The following KAZN variants were observed in gnomAD, a reference collection of about 807,000 sequenced individuals.
KAZN encodes kazrin.
Under a neutral mutation model 87.4 loss-of-function variants are expected in KAZN, and 40 were observed. The observed-to-expected ratio is 0.46, with a 90% CI of 0.36 to 0.60. The LOEUF is 0.60. Among genes scored for constraint, KAZN ranks in the 20% least tolerant of loss-of-function variants. The pLI is 0.00. For synonymous variants in KAZN, 466 were observed against 458.3 expected (o/e 1.02, Z -0.22); for missense variants, 898 against 1,073.9 (o/e 0.84, Z 2.29).
At chr1:14,690,170 C>T (rs1255568310) in intron 1 of KAZN, among the ~76,000 whole-genome samples, 2 of 152,156 alleles carry the variant, frequency 1.3e-5, no homozygotes, top group Non-Finnish European at 2.9e-5. Context: ...CACACTCCGC[C>T]GCGGCAGTGC....
intron 2 of KAZN, among the ~76,000 whole-genome samples, chr1:14,281,765 C>T (rs1172017342): frequency 6.6e-6 from 1 of 152,226 alleles, no homozygotes; most frequent in African/African-American, 2.4e-5. Flanking sequence ...AAATGAACAA[C>T]AGAGACCCTG....
rs567680230 is a variant in KAZN at position 13,894,304 on chromosome 1, A to G, written c.91+548A>G. Among the ~76,000 whole-genome samples the G allele has an allele frequency of 1.4e-4, 22 of 152,294 alleles. No homozygotes were observed. The South Asian group carries it at 4.6e-3, about 32-fold the overall frequency. ...GTCTGTGCTCATGAATTTGTCTTCC[A>G]AATGGCTCACGTTTTATACAGAAGG... On this transcript the variant is annotated intron_variant, in intron 1 of 16. Transcript: ENST00000636203.
At chr1:14,545,537 C>T (rs555216180) in intron 2 of KAZN, among the ~76,000 whole-genome samples, 1 of 152,222 alleles carries the variant, frequency 6.6e-6, no homozygotes, top group Non-Finnish European at 1.5e-5. Context: ...TCATAAGGTC[C>T]TCCAAATGAG....
intron 1 of KAZN, among the ~76,000 whole-genome samples, chr1:14,752,787 G>T (rs772423416): frequency 2.6e-5 from 4 of 152,098 alleles, no homozygotes; most frequent in Non-Finnish European, 5.9e-5. Context: ...CAAAACCAGC[G>T]CTTAGTTTTA....
intron 2 of KAZN, among the ~76,000 whole-genome samples, chr1:14,398,411 A>T (rs1663080330): frequency 6.6e-6 from 1 of 152,262 alleles, no homozygotes; most frequent in Non-Finnish European, 1.5e-5. Context: ...AGTATCACAT[A>T]GGGAAATTGT....
At chr1:14,983,864 C>T (rs1056628735) in intron 2 of KAZN, among the ~76,000 whole-genome samples, 1 of 152,120 alleles carries the variant, frequency 6.6e-6, no homozygotes, top group Non-Finnish European at 1.5e-5. Context: ...ATCTCTTGAA[C>T]CCGGGAGGTG....
intron 1 of KAZN, among the ~76,000 whole-genome samples, chr1:14,774,468 A>AC (rs1557476099): frequency 1.3e-4 from 17 of 131,286 alleles, no homozygotes; most frequent in Admixed American, 1.6e-4. Flanking sequence ...TCTTGAACAG[A>AC]TTTTTTTTTT....
intron 1 of KAZN, among the ~76,000 whole-genome samples, chr1:14,876,254 G>A (rs2101079970): frequency 6.6e-6 from 1 of 152,350 alleles, no homozygotes; most frequent in African/African-American, 2.4e-5. Context: ...AGCCTCTGTT[G>A]TCACCTGTCC....
At chr1:14,630,717 C>T (rs933219304) in intron 1 of KAZN, among the ~76,000 whole-genome samples, 1 of 152,046 alleles carries the variant, frequency 6.6e-6, no homozygotes, top group Non-Finnish European at 1.5e-5. Flanking sequence ...GACCACAGTT[C>T]AACAGTGTAG....
intron 2 of KAZN, among the ~76,000 whole-genome samples, chr1:14,229,186 G>C (rs181141497): frequency 6.6e-6 from 1 of 152,276 alleles, no homozygotes; most frequent in East Asian, 1.9e-4. Flanking sequence ...AAGAAAAATA[G>C]CTTGTGGTTC....
chr1:14,368,887 G>A (rs973044212), intron 2 of KAZN, among the ~76,000 whole-genome samples: 1 of 152,052 alleles, frequency 6.6e-6, no homozygotes, highest in Admixed American at 6.5e-5. Flanking sequence ...GTACATTAAC[G>A]GTGCCCGTGT....
intron 1 of KAZN, among the ~76,000 whole-genome samples, chr1:14,927,955 A>C (rs1317360945): frequency 6.7e-6 from 1 of 148,846 alleles, no homozygotes; most frequent in African/African-American, 2.6e-5. Flanking sequence ...ACGAAACAGG[A>C]TGCCTTGTCT....
Position 14,599,259 on chromosome 1 carries a change from G to A in KAZN, c.226+36G>A, listed in dbSNP as rs200498238. ...CCCGGCGCCCAGGGCGGAGGAAGGC[G>A]AGCAGAGCACGCCCGGCCTCGGAGG... On this transcript the variant is annotated intron_variant, in intron 1 of 14. Transcript: ENST00000376030. The surrounding 1 kb of genome is among the most constrained non-coding windows in gnomAD (Gnocchi z 4.4). 1.2e-5 allele frequency: 16 copies of A among 1,333,880 alleles called. No individual in the cohort carries two copies. Among genetic ancestry groups the A allele is most frequent in the Admixed American group, 4.1e-5 (1 of 24,526 alleles). The allele number at this position is 1,333,880 out of a possible 1,614,324, so 82.6% of individuals were successfully genotyped here. A position where few individuals can be genotyped will look rare whatever the true frequency, so the allele number is the denominator to read the frequency against.
intron 1 of KAZN, among the ~76,000 whole-genome samples, chr1:14,930,638 A>C (rs1172479517): frequency 6.6e-6 from 1 of 152,156 alleles, no homozygotes; most frequent in Non-Finnish European, 1.5e-5. Flanking sequence ...AGACCACTGA[A>C]GCTTGGGAGA....
chr1:15,101,693 C>A lies in KAZN; in HGVS notation c.1698C>A (p.His566Gln). 4 of 1,595,746 alleles carry A rather than the reference C, an allele frequency of 2.5e-6. No individual in the cohort carries two copies. The highest frequency in any genetic ancestry group is 2.3e-5 in the East Asian group (1 of 44,006). The change falls in exon 11 of 15, where the codon CAC becomes CAA. Residue 566 changes from histidine (H) to glutamine (Q), a missense_variant. Around this residue, in one of 3 missense-constraint regions of KAZN, gnomAD observed 521 missense variants for 689.4 expected, o/e 0.76. Transcript: ENST00000376030. ...NSLMKRDLEK[H>Q]LNVSKKFHQV... ...TGATGAAGCGAGACCTGGAGAAGCA[C>A]CTGAACGTGTCCAAGAAGTTCCACC...
chr1:14,034,580 G>A (rs1455517699), intron 1 of KAZN, among the ~76,000 whole-genome samples: 1 of 152,206 alleles, frequency 6.6e-6, no homozygotes, highest in Non-Finnish European at 1.5e-5. Flanking sequence ...AATTAAATGT[G>A]CTAGGTTTGA....
At chr1:15,100,224 G>A (rs1486466584) in intron 10 of KAZN, among the ~76,000 whole-genome samples, 2 of 152,154 alleles carry the variant, frequency 1.3e-5, no homozygotes, top group Non-Finnish European at 2.9e-5. Flanking sequence ...GGGAAGAGGA[G>A]CCCATTGTAT....
intron 1 of KAZN, among the ~76,000 whole-genome samples, chr1:14,864,821 T>C (rs1350541831): frequency 6.6e-6 from 1 of 152,088 alleles, no homozygotes. Flanking sequence ...TCACTTCCCC[T>C]CTCAGACCTT....
At chr1:14,384,465 C>T (rs1227773661) in intron 2 of KAZN, among the ~76,000 whole-genome samples, 1 of 152,114 alleles carries the variant, frequency 6.6e-6, no homozygotes, top group Non-Finnish European at 1.5e-5. Flanking sequence ...TCATAGATAG[C>T]TCTTACTATT....
Sources: gnomAD v4.1 joint callset for allele counts (sites outside exome capture counted in the v4.1 genomes callset) on GRCh38, gnomAD v4.1.1 for gene constraint, gnomAD v4.1.1 regional missense constraint, Gnocchi (gnomAD v3.1) non-coding constraint, MANE v1.5 for transcripts, NCBI Gene and HGNC (gene_info 2026-07-23, HGNC 2026-07-21) for gene names.